The following H4C15 variants were observed in gnomAD, a reference collection of about 807,000 sequenced individuals.
H4C15 encodes histone H4.
chr1:149,849,406 T>C (rs962196003), downstream of H4C15, among the ~76,000 whole-genome samples: 1 of 152,210 alleles, frequency 6.6e-6, no homozygotes, highest in Non-Finnish European at 1.5e-5. Flanking sequence ...AGCCTCCTAA[T>C]TGCTTTCCTC....
At chr1:149,850,621 G>A (rs2092174398), downstream of H4C15, 1 of 523,290 alleles carries the variant, frequency 1.9e-6, no homozygotes, top group Admixed American at 3.8e-5. Flanking sequence ...TGCCGGTGTC[G>A]GGGTGGACCC....
chr1:149,846,137 G>GTA, the H4C15 span: 2 of 152,000 alleles, frequency 1.3e-5, no homozygotes, highest in African/African-American at 4.8e-5. Context: ...GTCTATGTGT[G>GTA]TATATATACA....
At chr1:149,850,474 G>GCT, downstream of H4C15, 1 of 913,262 alleles carries the variant, frequency 1.1e-6, no homozygotes, top group Non-Finnish European at 1.7e-6. Flanking sequence ...GGCAGCAGCA[G>GCT]GCGCACGGCC....
At chr1:149,858,727 T>C (rs2101558539), downstream of H4C15, among the ~76,000 whole-genome samples, 1 of 81,846 alleles carries the variant, frequency 1.2e-5, no homozygotes, top group African/African-American at 6.0e-5. Flanking sequence ...CCTGCATCAG[T>C]GGCTTTCAAC....
chr1:149,845,383 G>A, the H4C15 span: 1 of 152,198 alleles, frequency 6.6e-6, no homozygotes, highest in African/African-American at 2.4e-5. Flanking sequence ...TATTCAGGGG[G>A]CCATATGTGC....
At chr1:149,844,700 A>G in the H4C15 span, 1 of 152,058 alleles carries the variant, frequency 6.6e-6, no homozygotes, top group African/African-American at 2.4e-5. Flanking sequence ...AAAATCCCAA[A>G]TAGTATCTTC....
downstream of H4C15, among the ~76,000 whole-genome samples, chr1:149,855,767 T>TGAGAGAGA (rs1161549801): frequency 2.9e-4 from 6 of 20,484 alleles, 1 homozygote; most frequent in East Asian, 3.5e-3. Flanking sequence ...TGTGTGTGTG[T>TGAGAGAGA]GAGAGAGAGA....
At chr1:149,847,374 C>T in the H4C15 span, 1 of 152,168 alleles carries the variant, frequency 6.6e-6, no homozygotes, top group African/African-American at 2.4e-5. Context: ...GTTGTGTCCC[C>T]CCGAAAGATA....
chr1:149,855,384 GGT>G (rs1162535434), downstream of H4C15, among the ~76,000 whole-genome samples: 17,764 of 138,502 alleles, frequency 0.13, 1,731 homozygotes, highest in East Asian at 0.24. Context: ...GTGGGGGACA[GGT>G]GTGTGTGTGT....
chr1:149,850,350 G>A, downstream of H4C15: 1 of 782,656 alleles, frequency 1.3e-6, no homozygotes, highest in East Asian at 2.7e-5. Context: ...ACCCGCGGAG[G>A]GAGGGAGGGA....
the H4C15 span, chr1:149,845,478 A>G: frequency 6.6e-6 from 1 of 152,258 alleles, no homozygotes; most frequent in Non-Finnish European, 1.5e-5. Flanking sequence ...AGCTGAATAC[A>G]GTAAGATAGT....
downstream of H4C15, chr1:149,850,352 AGGG>A (rs781941425): frequency 4.5e-5 from 31 of 694,380 alleles, no homozygotes; most frequent in African/African-American, 5.3e-4. Context: ...CCGCGGAGGG[AGGG>A]AGGGAGGGAG....
At chr1:149,845,843 T>G in the H4C15 span, 1 of 152,164 alleles carries the variant, frequency 6.6e-6, no homozygotes, top group Admixed American at 6.5e-5. Context: ...AAATCAAGGA[T>G]TAATTGTAGG....
the H4C15 span, chr1:149,846,835 T>C: frequency 2.6e-5 from 4 of 152,248 alleles, no homozygotes; most frequent in Admixed American, 2.6e-4. Flanking sequence ...CATATTCAAA[T>C]TTCTCCAATT....
chr1:149,849,536 C>G (rs1446269390), downstream of H4C15, among the ~76,000 whole-genome samples: 1 of 152,196 alleles, frequency 6.6e-6, no homozygotes, highest in African/African-American at 2.4e-5. Context: ...CAAACCTAAT[C>G]AACCTCCCTT....
chr1:149,850,167 C>A (rs587681613), downstream of H4C15: 4 of 631,498 alleles, frequency 6.3e-6, no homozygotes, highest in Admixed American at 5.1e-5. Context: ...TTACTTATAG[C>A]AATGCCTATG....
At chr1:149,844,669 T>C in the H4C15 span, 1 of 152,152 alleles carries the variant, frequency 6.6e-6, no homozygotes, top group Admixed American at 6.5e-5. Flanking sequence ...TTGTTCACTT[T>C]TTTCTCTTAT....
At chr1:149,858,686 AAAG>A (rs1261348684), downstream of H4C15, among the ~76,000 whole-genome samples, 3 of 96,512 alleles carry the variant, frequency 3.1e-5, no homozygotes, top group South Asian at 3.1e-4. Flanking sequence ...GGAGGGAAAG[AAAG>A]AAGAAAAGAA....
At chr1:149,850,115 T>C, downstream of H4C15, 1 of 496,742 alleles carries the variant, frequency 2.0e-6, no homozygotes, top group Non-Finnish European at 3.7e-6. Context: ...AGCCCCAACC[T>C]ATCTATGCCA....
Sources: gnomAD v4.1 joint callset for allele counts (sites outside exome capture counted in the v4.1 genomes callset) on GRCh38, gnomAD v4.1.1 for gene constraint, MANE v1.5 for transcripts, NCBI Gene and HGNC (gene_info 2026-07-23, HGNC 2026-07-21) for gene names.